The following CTBP1 variants were observed in gnomAD, a reference collection of about 807,000 sequenced individuals.
CTBP1 encodes the protein C-terminal binding protein 1.
A neutral mutation model predicts 42.1 loss-of-function variants in CTBP1; 11 were observed. The observed-to-expected ratio is 0.26, with a 90% CI of 0.16 to 0.43. The LOEUF is 0.43. Ranked by LOEUF, CTBP1 falls within the 20% of genes least tolerant of loss-of-function variation. CTBP1 has a pLI of 1.00. For missense variants in CTBP1, 399 were observed against 624.3 expected (o/e 0.64, Z 3.85); for synonymous variants, 324 against 277.1 (o/e 1.17, Z -1.68).
Position 1,237,368 on chromosome 4 carries a change from A to G in CTBP1, c.162+815T>C. The G allele has an allele frequency of 4.4e-6, 3 of 679,114 alleles. No homozygotes were observed. In the South Asian group the frequency reaches 4.5e-5, roughly 10 times the overall value. 42.1% of individuals were successfully genotyped at this position (679,114 alleles called of 1,614,324 possible). A position where few individuals can be genotyped will look rare whatever the true frequency, so the allele number is the denominator to read the frequency against. On this transcript the variant is annotated intron_variant, in intron 3 of 9. Transcript: ENST00000382952. ...GGGGCTCAGGGAAAACCCCATGTCCACCTCCTGATGGGGCTCAGGGAAAAC... is the reference window on the plus strand; with the variant it reads ...GGGGCTCAGGGAAAACCCCATGTCCGCCTCCTGATGGGGCTCAGGGAAAAC...
At chr4:1,232,363 G>A (rs1731049539) in intron 3 of CTBP1, among the ~76,000 whole-genome samples, 1 of 152,048 alleles carries the variant, frequency 6.6e-6, no homozygotes, top group African/African-American at 2.4e-5. Context: ...CCAGGCTGGA[G>A]TGCAGTGACA....
chr4:1,212,665 C>T, intron 9 of CTBP1: 1 of 608,880 alleles, frequency 1.6e-6, no homozygotes, highest in Non-Finnish European at 2.9e-6. Context: ...AAAGCCCCCT[C>T]CTCCCACAGG....
chr4:1,243,920 G>A, intron 1 of CTBP1: 1 of 985,476 alleles, frequency 1.0e-6, no homozygotes, highest in Non-Finnish European at 1.2e-6. Context: ...ACCTCATGTT[G>A]TAAGAAAGCA....
At chr4:1,239,992 A>C (rs1017455816) in intron 2 of CTBP1, among the ~76,000 whole-genome samples, 7 of 152,244 alleles carry the variant, frequency 4.6e-5, no homozygotes, top group Non-Finnish European at 1.0e-4. Context: ...TCTCATGAGC[A>C]GAAAGGTTTA....
intron 2 of CTBP1, among the ~76,000 whole-genome samples, chr4:1,239,066 G>A (rs1731882605): frequency 6.6e-6 from 1 of 152,204 alleles, no homozygotes; most frequent in Non-Finnish European, 1.5e-5. Flanking sequence ...CAGAACAAAG[G>A]AAGAAAAGGG....
In CTBP1 at chr4:1,211,576, C is replaced by T. The variant is rs2108692447; in HGVS notation, c.*664G>A. 6.6e-6 allele frequency: 1 copy of T among 152,572 alleles called. No homozygotes were observed. Among genetic ancestry groups the T allele is most frequent in the Admixed American group, 6.5e-5 (1 of 15,302 alleles). The allele number at this position is 152,572 out of a possible 1,614,324, so 9.5% of individuals were successfully genotyped here. ...GGCACTGGTGCAGGCGGGGACGCTG[C>T]CACCCTCCACGTCCCCAGGACAGAC... On this transcript the variant is annotated 3_prime_UTR_variant, in exon 10 of 10. Transcript: ENST00000382952.
chr4:1,242,337 C>T (rs1020919796), intron 1 of CTBP1: 4 of 985,268 alleles, frequency 4.1e-6, no homozygotes, highest in African/African-American at 1.7e-5. Context: ...CTGACCCCAA[C>T]GTGCAGCTGA....
Position 1,235,273 on chromosome 4 carries a change from A to G in CTBP1, c.162+2910T>C, listed in dbSNP as rs1731372515. ...TAAAGGAGTGTGGCCACTGGGCTGC[A>G]TTACAAGCACGCATCTACCCGTGTG... On this transcript the variant is annotated intron_variant, in intron 3 of 9. Coordinates refer to ENST00000382952, the MANE Select transcript of CTBP1 (RefSeq NM_001012614.2). The surrounding 1 kb of genome is among the most constrained non-coding windows in gnomAD (Gnocchi z 4.2). 6.6e-6 allele frequency: 1 copy of G among 152,198 alleles called. No homozygotes were observed. The highest frequency in any genetic ancestry group is 1.5e-5 in the Non-Finnish European group (1 of 68,038). The allele number at this position is 152,198 out of a possible 1,614,324, so 9.4% of individuals were successfully genotyped here. A position where few individuals can be genotyped will look rare whatever the true frequency, so the allele number is the denominator to read the frequency against.
At chr4:1,237,288 C>T (rs1487405462) in intron 3 of CTBP1, 2 of 671,754 alleles carry the variant, frequency 3.0e-6, no homozygotes, top group Non-Finnish European at 5.4e-6. Context: ...TCAGGGAAAA[C>T]CCGGTGTCCA....
intron 1 of CTBP1, chr4:1,245,645 G>A (rs934099259): frequency 1.4e-5 from 14 of 983,376 alleles, no homozygotes; most frequent in Non-Finnish European, 1.4e-5. Context: ...TGGCATGGAC[G>A]GGCAGGGTGA....
chr4:1,249,723 GC>G, upstream of CTBP1: 1 of 395,198 alleles, frequency 2.5e-6, no homozygotes, highest in Non-Finnish European at 5.1e-6. Context: ...AGGCGGGGGA[GC>G]CCCGACTCCT....
At chr4:1,222,796 G>A (rs1161651626) in intron 5 of CTBP1, among the ~76,000 whole-genome samples, 3 of 152,122 alleles carry the variant, frequency 2.0e-5, no homozygotes, top group Non-Finnish European at 2.9e-5. Flanking sequence ...GTGGCCACGG[G>A]AAGAGCCCGG....
At chr4:1,227,710 G>A (rs1416688892) in intron 4 of CTBP1, among the ~76,000 whole-genome samples, 1 of 151,798 alleles carries the variant, frequency 6.6e-6, no homozygotes, top group Admixed American at 6.6e-5. Flanking sequence ...GGATGCAGAT[G>A]TGCGTGTTCC....
At chr4:1,227,621 T>C (rs895395740) in intron 4 of CTBP1, among the ~76,000 whole-genome samples, 5 of 146,420 alleles carry the variant, frequency 3.4e-5, no homozygotes, top group African/African-American at 1.3e-4. Context: ...TGCAGATGAG[T>C]GTGCAAGATC....
chr4:1,243,600 C>A, intron 1 of CTBP1: 2 of 985,460 alleles, frequency 2.0e-6, no homozygotes, highest in African/African-American at 1.7e-5. Context: ...TGCCGGGCCA[C>A]ACCTGCCCCA....
intron 1 of CTBP1, chr4:1,241,746 G>A (rs982905289): frequency 8.4e-6 from 10 of 1,196,928 alleles, no homozygotes; most frequent in Non-Finnish European, 1.1e-5. Context: ...GCCCGAGGCC[G>A]CGCCCCTGTG....
intron 5 of CTBP1, chr4:1,221,537 G>A (rs1479768933): frequency 6.0e-6 from 1 of 166,640 alleles, no homozygotes; most frequent in African/African-American, 2.4e-5. Context: ...AAATCGTGCT[G>A]TGTTCACGTG....
At chr4:1,244,813 C>G (rs1732549967) in intron 1 of CTBP1, 2 of 985,458 alleles carry the variant, frequency 2.0e-6, no homozygotes, top group Non-Finnish European at 2.4e-6. Context: ...GAGATGCCCC[C>G]TCTGGCTGTC....
Position 1,238,418 on chromosome 4 carries a change from C to A in CTBP1, c.8-81G>T. The A allele has an allele frequency of 6.8e-7, 1 of 1,475,314 alleles. No homozygotes were observed. The highest frequency in any genetic ancestry group is 9.0e-7 in the Non-Finnish European group (1 of 1,112,432). The allele number at this position is 1,475,314 out of a possible 1,614,324, so 91.4% of individuals were successfully genotyped here. ...CCCACTCCACGCCACCCACTGTGCA[C>A]GGGCCAACGAGGGCCGACCGCCGGG... On this transcript the variant is annotated intron_variant, in intron 2 of 9. Transcript: ENST00000382952. This position sits in a 1 kb window ranked among gnomAD's most constrained non-coding sequence, Gnocchi z 5.9.
Sources: gnomAD v4.1 joint callset for allele counts (sites outside exome capture counted in the v4.1 genomes callset) on GRCh38, gnomAD v4.1.1 for gene constraint, Gnocchi (gnomAD v3.1) non-coding constraint, MANE v1.5 for transcripts, NCBI Gene and HGNC (gene_info 2026-07-23, HGNC 2026-07-21) for gene names.